The following PCDH15 variants were observed in gnomAD, a reference collection of about 807,000 sequenced individuals.
The protein encoded by PCDH15 is protocadherin-15.
Under a neutral mutation model 178.5 loss-of-function variants are expected in PCDH15, and 129 were observed. The ratio of observed to expected loss-of-function variants is 0.72; its 90% CI spans 0.63 to 0.84. The LOEUF (loss-of-function observed/expected upper bound fraction) is 0.84, where lower values mean the gene tolerates loss of function less well. Among genes scored for constraint, PCDH15 ranks in the 40% least tolerant of loss-of-function variants. The pLI is 0.00. For synonymous variants in PCDH15, 800 were observed against 732.0 expected (o/e 1.09, Z -1.50); for missense variants, 2,230 against 2,099.9 (o/e 1.06, Z -1.21).
chr10:54,409,203 T>C (rs1402204214), intron 3 of PCDH15, among the ~76,000 whole-genome samples: 1 of 152,182 alleles, frequency 6.6e-6, no homozygotes, highest in East Asian at 1.9e-4. Context: ...TAAACTTCTT[T>C]CTTTTGTAAA....
At chr10:54,626,822 C>T (rs1311874480) in intron 2 of PCDH15, among the ~76,000 whole-genome samples, 1 of 152,104 alleles carries the variant, frequency 6.6e-6, no homozygotes, top group Non-Finnish European at 1.5e-5. Context: ...CACAGTTCAC[C>T]TGGAAAAGCT....
intron 8 of PCDH15, among the ~76,000 whole-genome samples, chr10:54,269,567 A>G (rs181045048): frequency 6.6e-6 from 1 of 152,158 alleles, no homozygotes; most frequent in East Asian, 1.9e-4. Context: ...ATTATGAAAT[A>G]TGATTCTTCA....
At chr10:55,062,584 G>A (rs975497821) in intron 2 of PCDH15, among the ~76,000 whole-genome samples, 2 of 152,174 alleles carry the variant, frequency 1.3e-5, no homozygotes, top group Non-Finnish European at 2.9e-5. Flanking sequence ...AGGTTGAAGG[G>A]AAAGATGGAT....
At chr10:54,225,160 C>T (rs1036498796) in intron 9 of PCDH15, among the ~76,000 whole-genome samples, 2 of 152,052 alleles carry the variant, frequency 1.3e-5, no homozygotes, top group Admixed American at 1.3e-4. Flanking sequence ...ACTAGAAAGA[C>T]CGAGTTCTTG....
In PCDH15 at chr10:54,517,798, C is replaced by T. The variant is rs969791991; in HGVS notation, c.157+10014G>A. On this transcript the variant is annotated intron_variant, in intron 3 of 37. Transcript: ENST00000644397. ...ACACCACACCTATTCCAAAATTGAC[C>T]ACATAGTTGGAAGTAAAGCACTCCC... 1.1e-4 allele frequency among the ~76,000 whole-genome samples: 17 copies of T among 151,938 alleles called. 1 individual carries two copies. The highest frequency in any genetic ancestry group is 9.2e-4 in the Admixed American group (14 of 15,268).
At chr10:55,579,845 G>A (rs1842571461) in intron 2 of PCDH15, among the ~76,000 whole-genome samples, 1 of 151,678 alleles carries the variant, frequency 6.6e-6, no homozygotes, top group Non-Finnish European at 1.5e-5. Flanking sequence ...TTTGTTTTTT[G>A]TTGTTTTTGT....
At chr10:55,388,397 C>T (rs565490339) in intron 2 of PCDH15, among the ~76,000 whole-genome samples, 63 of 152,052 alleles carry the variant, frequency 4.1e-4, no homozygotes, top group African/African-American at 1.5e-3. Context: ...CTCTCTGAAT[C>T]CTGTTGACTT....
intron 1 of PCDH15, among the ~76,000 whole-genome samples, chr10:55,235,906 CAAAAAAAAAAAAAAA>C (rs144784085): frequency 2.6e-5 from 3 of 115,676 alleles, no homozygotes; most frequent in Admixed American, 9.1e-5. Flanking sequence ...GACTCCATGT[CAAAAAAAAAAAAAAA>C]AAAAAAAAAA....
chr10:54,625,108 C>T (rs2093504021), intron 2 of PCDH15, among the ~76,000 whole-genome samples: 1 of 152,066 alleles, frequency 6.6e-6, no homozygotes, highest in South Asian at 2.1e-4. Context: ...AGCAAAAGTA[C>T]CAAAGCACTT....
chr10:55,575,168 G>C (rs544893180), intron 2 of PCDH15, among the ~76,000 whole-genome samples: 1 of 152,090 alleles, frequency 6.6e-6, no homozygotes, highest in African/African-American at 2.4e-5. Context: ...ATTGATTTCT[G>C]TAACTTCCCA....
chr10:53,979,386 C>G (rs2090440216), intron 21 of PCDH15, among the ~76,000 whole-genome samples: 1 of 152,144 alleles, frequency 6.6e-6, no homozygotes, highest in Non-Finnish European at 1.5e-5. Context: ...CCCCATGATT[C>G]AATTGTCTCC....
intron 2 of PCDH15, among the ~76,000 whole-genome samples, chr10:54,614,711 C>T (rs961219100): frequency 3.3e-5 from 5 of 151,910 alleles, no homozygotes; most frequent in South Asian, 2.1e-4. Flanking sequence ...TTACTTTTCT[C>T]GTGCTTGTCC....
At chr10:55,217,896 A>G (rs892619964) in intron 1 of PCDH15, among the ~76,000 whole-genome samples, 2 of 152,026 alleles carry the variant, frequency 1.3e-5, no homozygotes, top group African/African-American at 4.8e-5. Context: ...TTGTTAGTCT[A>G]ACAGCTTTTT....
chr10:54,138,457 T>C (rs1344919728), intron 14 of PCDH15, among the ~76,000 whole-genome samples: 2 of 152,172 alleles, frequency 1.3e-5, no homozygotes, highest in Non-Finnish European at 2.9e-5. Context: ...CGATTGTGTG[T>C]GTTTGATATA....
intron 2 of PCDH15, among the ~76,000 whole-genome samples, chr10:54,939,992 C>A (rs1733758): frequency 0.41 from 62,153 of 151,836 alleles, 13,989 homozygotes; most frequent in Middle Eastern, 0.53. Context: ...CTACAGCACA[C>A]CTTTTGATTT....
chr10:54,731,490 C>T (rs193243611), intron 1 of PCDH15, among the ~76,000 whole-genome samples: 1 of 138,170 alleles, frequency 7.2e-6, no homozygotes, highest in East Asian at 2.1e-4. Flanking sequence ...TTTGCTATAC[C>T]CAAATTATGG....
At chr10:55,317,203 C>T (rs530110597) in intron 1 of PCDH15, among the ~76,000 whole-genome samples, 2 of 152,118 alleles carry the variant, frequency 1.3e-5, no homozygotes, top group Admixed American at 1.3e-4. Context: ...GGTCTCAACA[C>T]ATTGTTGTGA....
At chr10:54,446,787 C>G (rs2136229247) in intron 3 of PCDH15, among the ~76,000 whole-genome samples, 1 of 151,534 alleles carries the variant, frequency 6.6e-6, no homozygotes, top group Non-Finnish European at 1.5e-5. Context: ...CTTGCTTGCA[C>G]AAAAGCCAAC....
At chr10:55,533,042 C>T (rs181200634) in intron 2 of PCDH15, among the ~76,000 whole-genome samples, 1 of 132,134 alleles carries the variant, frequency 7.6e-6, no homozygotes, top group Admixed American at 8.0e-5. Context: ...CAAATGAACA[C>T]TTGTCAAAGT....
Sources: allele counts gnomAD v4.1 joint callset (sites outside exome capture counted in the v4.1 genomes callset), GRCh38; gene constraint gnomAD v4.1.1; transcripts MANE v1.5; gene names NCBI Gene and HGNC (gene_info 2026-07-23, HGNC 2026-07-21).